Variants in NRXN3 observed in about 807,000 individuals in gnomAD.
NRXN3 encodes neurexin III.
NRXN3 carries 32 observed loss-of-function variants against 137.6 expected under a neutral mutation model. The observed-to-expected ratio is 0.23, with a 90% CI of 0.18 to 0.31. The LOEUF (loss-of-function observed/expected upper bound fraction) is 0.31. Ranked by LOEUF, NRXN3 falls within the 10% of genes least tolerant of loss-of-function variation. The pLI is 1.00. For missense variants in NRXN3, 1,574 were observed against 2,062.5 expected (o/e 0.76, Z 4.59); for synonymous variants, 798 against 784.5 (o/e 1.02, Z -0.29).
chr14:78,849,372 T>C (rs1248273696), intron 10 of NRXN3, among the ~76,000 whole-genome samples: 1 of 152,220 alleles, frequency 6.6e-6, no homozygotes, highest in Non-Finnish European at 1.5e-5. Flanking sequence ...AGTTTCCAGC[T>C]GCTGGTGTGC....
chr14:78,821,930 A>G (rs1424229552), intron 10 of NRXN3, among the ~76,000 whole-genome samples: 3 of 152,184 alleles, frequency 2.0e-5, no homozygotes, highest in Non-Finnish European at 1.5e-5. Flanking sequence ...AAAGCCAGAT[A>G]TGGTAACACC....
chr14:78,641,775 G>A (rs1362356956), intron 4 of NRXN3, among the ~76,000 whole-genome samples: 1 of 152,170 alleles, frequency 6.6e-6, no homozygotes, highest in Non-Finnish European at 1.5e-5. Flanking sequence ...ATTTGCAAAG[G>A]AAGGCACTTG....
intron 15 of NRXN3, among the ~76,000 whole-genome samples, chr14:79,150,283 A>G (rs1054077907): frequency 6.6e-6 from 1 of 152,012 alleles, no homozygotes; most frequent in African/African-American, 2.4e-5. Flanking sequence ...TTTGAAATGG[A>G]ATGAATAGTT....
chr14:78,820,632 T>C (rs1268384600), intron 10 of NRXN3, among the ~76,000 whole-genome samples: 2 of 152,100 alleles, frequency 1.3e-5, no homozygotes, highest in Non-Finnish European at 1.5e-5. Flanking sequence ...TCCCCAAGCC[T>C]GTGCCAGCCC....
At chr14:79,137,690 A>G (rs1257524575) in intron 15 of NRXN3, among the ~76,000 whole-genome samples, 1 of 152,220 alleles carries the variant, frequency 6.6e-6, no homozygotes, top group African/African-American at 2.4e-5. Context: ...TCCTGGATAA[A>G]GATAGTAAGG....
chr14:78,784,291 G>A (rs192718216), intron 8 of NRXN3, among the ~76,000 whole-genome samples: 338 of 152,244 alleles, frequency 2.2e-3, no homozygotes, highest in Non-Finnish European at 4.2e-3. Flanking sequence ...AAGGAAACAG[G>A]GTGGCTGAAT....
At chr14:79,739,421 G>T (rs1203259814) in intron 19 of NRXN3, among the ~76,000 whole-genome samples, 4 of 151,864 alleles carry the variant, frequency 2.6e-5, no homozygotes, top group African/African-American at 9.7e-5. Flanking sequence ...GAGGCAGGTG[G>T]ATCACCTGAG....
At chr14:78,644,135 G>GA (rs111868453) in intron 4 of NRXN3, among the ~76,000 whole-genome samples, 4,963 of 42,036 alleles carry the variant, frequency 0.12, 215 homozygotes, top group East Asian at 0.32. Flanking sequence ...GCAAGACTCA[G>GA]AAAAAAAAAA....
At chr14:78,171,427 A>G (rs541757837) in intron 1 of NRXN3, among the ~76,000 whole-genome samples, 1 of 152,022 alleles carries the variant, frequency 6.6e-6, no homozygotes, top group African/African-American at 2.4e-5. Context: ...CCATTTGTTT[A>G]TATTAATGAT....
At chr14:78,944,315 A>T (rs2099361080) in intron 10 of NRXN3, among the ~76,000 whole-genome samples, 1 of 152,164 alleles carries the variant, frequency 6.6e-6, no homozygotes, top group African/African-American at 2.4e-5. Flanking sequence ...GTCATGGGAA[A>T]TTCCTTCCCC....
At chr14:78,700,892 C>T (rs1164641475) in intron 6 of NRXN3, among the ~76,000 whole-genome samples, 1 of 152,158 alleles carries the variant, frequency 6.6e-6, no homozygotes, top group Non-Finnish European at 1.5e-5. Flanking sequence ...CTGCTTCAGC[C>T]TCCCGAGTAG....
intron 4 of NRXN3, among the ~76,000 whole-genome samples, chr14:78,324,873 A>G (rs920189350): frequency 6.6e-6 from 1 of 151,886 alleles, no homozygotes; most frequent in Non-Finnish European, 1.5e-5. Context: ...TCGGGGTGTG[A>G]TAGGGTCAGG....
chr14:78,613,628 C>A (rs995705825), intron 4 of NRXN3, among the ~76,000 whole-genome samples: 2 of 143,922 alleles, frequency 1.4e-5, no homozygotes, highest in Non-Finnish European at 3.0e-5. Flanking sequence ...TAGAGCTAGC[C>A]AGAGGACTTA....
intron 16 of NRXN3, among the ~76,000 whole-genome samples, chr14:79,640,461 T>C (rs1248669156): frequency 7.4e-6 from 1 of 135,834 alleles, no homozygotes; most frequent in African/African-American, 2.5e-5. Context: ...AAACACTTTT[T>C]GCACCATGAT....
rs75232681 is a variant in NRXN3, at chr14:78,359,824, G to A, written c.757+61964G>A. Among the ~76,000 whole-genome samples the A allele has an allele frequency of 5.2e-3, 795 of 152,176 alleles. 31 individuals are homozygous for A. The East Asian group carries it at 0.083, about 16-fold the overall frequency. On this transcript the variant is annotated intron_variant, in intron 4 of 20. Coordinates refer to ENST00000335750, the MANE Select transcript of NRXN3 (RefSeq NM_001330195.2). ...CTGGTGTGAGTCTGTCTATCTAGGCGGGTCTCTCTTTCCGTGGAGGTGTTG... is the reference window on the plus strand; with the variant it reads ...CTGGTGTGAGTCTGTCTATCTAGGCAGGTCTCTCTTTCCGTGGAGGTGTTG...
chr14:79,703,678 G>A (rs544372087), intron 19 of NRXN3, among the ~76,000 whole-genome samples: 66 of 151,838 alleles, frequency 4.3e-4, no homozygotes, highest in Non-Finnish European at 5.4e-4. Flanking sequence ...CTACATGTGC[G>A]GATTATAATT....
chr14:79,674,491 C>T (rs1313852665), intron 17 of NRXN3, among the ~76,000 whole-genome samples: 1 of 151,994 alleles, frequency 6.6e-6, no homozygotes, highest in Admixed American at 6.6e-5. Context: ...AGGTTGAGCA[C>T]ATTTGCTGTG....
chr14:79,669,402 A>C (rs1383185168), intron 17 of NRXN3, among the ~76,000 whole-genome samples: 1 of 152,132 alleles, frequency 6.6e-6, no homozygotes, highest in Non-Finnish European at 1.5e-5. Context: ...AAAATGTATC[A>C]ATTAATCACT....
chr14:78,956,195 G>A (rs918929059), intron 10 of NRXN3, among the ~76,000 whole-genome samples: 3 of 152,076 alleles, frequency 2.0e-5, no homozygotes, highest in Non-Finnish European at 2.9e-5. Flanking sequence ...TTTAATCAGC[G>A]TCTTTCTTCA....
Sources: allele counts gnomAD v4.1 joint callset (sites outside exome capture counted in the v4.1 genomes callset), GRCh38; gene constraint gnomAD v4.1.1; transcripts MANE v1.5; gene names NCBI Gene and HGNC (gene_info 2026-07-23, HGNC 2026-07-21).